Variants in SRCAP observed in about 807,000 individuals in gnomAD.
SRCAP encodes the protein chromatin remodeling protein SRCAP.
A neutral mutation model predicts 263.1 loss-of-function variants in SRCAP; 46 were observed. The observed-to-expected ratio is 0.17, with a 90% CI of 0.14 to 0.22. The LOEUF is 0.22. SRCAP is among the 10% of genes least tolerant of loss of function. The pLI, the probability that SRCAP is intolerant of heterozygous loss-of-function variation, is 1.00. For synonymous variants in SRCAP, 1,813 were observed against 1,662.1 expected, an observed-to-expected ratio of 1.09 and a Z score of -2.21; for missense variants, 3,695 against 4,181.9, an observed-to-expected ratio of 0.88 and a Z score of 3.21.
Position 30,730,223 on chromosome 16 carries a change from T to G in SRCAP, c.6127+651T>G, listed in dbSNP as rs77470611. Among the ~76,000 whole-genome samples the G allele has an allele frequency of 5.3e-4, 81 of 152,326 alleles. No homozygotes were observed. The East Asian group carries it at 0.013, about 24-fold the overall frequency. ...TTATTTAGCTGTATGGGAAAAGATG[T>G]CTGGTGGTACAAGACTGCACAGTAA... On this transcript the variant is annotated intron_variant, in intron 27 of 33. Transcript: ENST00000262518.
At chr16:30,731,729 G>A (rs2053116535) in intron 27 of SRCAP, among the ~76,000 whole-genome samples, 1 of 151,508 alleles carries the variant, frequency 6.6e-6, no homozygotes, top group Non-Finnish European at 1.5e-5. Flanking sequence ...ATATAGTGGT[G>A]CACACCTATA....
chr16:30,732,382 T>C (rs529043221), intron 27 of SRCAP, among the ~76,000 whole-genome samples: 5 of 147,034 alleles, frequency 3.4e-5, no homozygotes, highest in African/African-American at 1.3e-4. Context: ...ATCCAGGAGG[T>C]GGAGGTTGCC....
In SRCAP at chr16:30,711,492, G is replaced by A. The variant is rs557588130; in HGVS notation, c.1319-79G>A. 7.1e-4 allele frequency: 1,015 copies of A among 1,434,280 alleles called. 2 individuals carry two copies. The highest frequency in any genetic ancestry group is 8.2e-4 in the Non-Finnish European group (879 of 1,065,988). The allele number at this position is 1,434,280 out of a possible 1,614,324, so 88.8% of individuals were successfully genotyped here. The stretch of plus-strand genomic sequence containing the variant: ...CCTAGCAGTATCTACAGAGACCTAG[G>A]TAAAATTAACTGGTACTACTCAGAC... On this transcript the variant is annotated intron_variant, in intron 10 of 33. Transcript: ENST00000262518.
intron 4 of SRCAP, among the ~76,000 whole-genome samples, chr16:30,704,724 C>T (rs1310305128): frequency 6.6e-6 from 1 of 151,970 alleles, no homozygotes; most frequent in African/African-American, 2.4e-5. Flanking sequence ...CTGTAGCAGT[C>T]GCAGCCACCC....
intron 25 of SRCAP, among the ~76,000 whole-genome samples, chr16:30,728,619 C>G (rs113809606): frequency 0.012 from 1,786 of 152,256 alleles, 18 homozygotes; most frequent in Non-Finnish European, 0.016. Context: ...TAGGAAAATA[C>G]CCACAAATCG....
intron 9 of SRCAP, 63 bp downstream of exon 9, chr16:30,710,910 C>A: frequency 1.3e-6 from 2 of 1,599,352 alleles, no homozygotes; most frequent in South Asian, 1.1e-5. Flanking sequence ...TGGACCTAAC[C>A]TTTCAGGCTT....
In SRCAP at chr16:30,738,781, CTGGGCCCCAGCCTCT is replaced by C. The variant is rs1334652207; in HGVS notation, c.8745_8759del (p.Leu2919_Pro2923del). The C allele has an allele frequency of 1.2e-6, 2 of 1,613,802 alleles. No homozygotes were observed. Among genetic ancestry groups the C allele is most frequent in the South Asian group, 2.2e-5 (2 of 91,000 alleles). ...CCTGTCCTGGAACCACAGCTTATTCCTGGGCCCCAGCCTCTTGGACCCCAGCCAGTTCACAGACCC... is the reference window on the plus strand; with the variant it reads ...CCTGTCCTGGAACCACAGCTTATTCCTGGACCCCAGCCAGTTCACAGACCC... On this transcript the variant is annotated inframe_deletion, in exon 34 of 34. Transcript: ENST00000262518.
intron 4 of SRCAP, among the ~76,000 whole-genome samples, chr16:30,706,385 A>G (rs2052827704): frequency 6.6e-6 from 1 of 152,158 alleles, no homozygotes; most frequent in South Asian, 2.1e-4. Context: ...TGAGTTGGGA[A>G]GATAACCTGA....
chr16:30,707,077 C>A (rs956118586), intron 4 of SRCAP, 106 bp from the exon 5 acceptor site: 2 of 1,137,924 alleles, frequency 1.8e-6, no homozygotes, highest in Non-Finnish European at 2.5e-6. Context: ...GTGGACTAAA[C>A]ATAAGCATAA....
At position 30,739,348 on chromosome 16, in the gene SRCAP, G is replaced by A; in HGVS notation, c.9308G>A (p.Gly3103Glu). ...DLDLADSGPG[G>E]LELTPPVVSL... ...GACTTAGCAGATAGCGGGCCAGGCG[G>A]GTTGGAATTGACACCACCTGTGGTC... Residue 3103 changes from glycine (G) to glutamate (E), a missense_variant, in exon 34 of 34, where the codon GGG becomes GAG. Coordinates refer to ENST00000262518, the MANE Select transcript of SRCAP (RefSeq NM_006662.3). The A allele has an allele frequency of 6.2e-7, 1 of 1,614,174 alleles. No individual in the cohort carries two copies. The highest frequency in any genetic ancestry group is 1.1e-5 in the South Asian group (1 of 91,086).
At position 30,733,334 on chromosome 16, in the gene SRCAP, G is replaced by A. The variant is rs913910392; in HGVS notation, c.6182G>A (p.Arg2061Gln). Reference protein sequence around the residue: ...LLRQLKAEGHRVLIFTQMTRM... With the variant: ...LLRQLKAEGHQVLIFTQMTRM... Reference sequence around the variant, plus strand: ...CGGCAGCTCAAGGCAGAGGGCCACCGAGTGCTCATCTTCACCCAGATGACC... The same window carrying A: ...CGGCAGCTCAAGGCAGAGGGCCACCAAGTGCTCATCTTCACCCAGATGACC... The change falls in exon 28 of 34, where the codon CGA becomes CAA. Residue 2061 changes from arginine to glutamine, a missense_variant. Physicochemically the swap from Arg to Gln is conservative, Grantham distance 43. This residue lies in a region of SRCAP where 138 missense variants were observed against 254.9 expected (regional missense o/e 0.54). Transcript: ENST00000262518. This position sits in a 1 kb window ranked among gnomAD's most constrained non-coding sequence, Gnocchi z 5.3. 6 of 1,614,016 alleles carry A rather than the reference G, an allele frequency of 3.7e-6. No homozygotes were observed. Among genetic ancestry groups the A allele is most frequent in the Non-Finnish European group, 5.1e-6 (6 of 1,180,038 alleles).
rs1188213479 is a variant in SRCAP, at chr16:30,734,531, G to A, written c.6645G>A (p.Glu2215=). The A allele has an allele frequency of 6.2e-7, 1 of 1,613,988 alleles. No individual in the cohort carries two copies. Among genetic ancestry groups the A allele is most frequent in the South Asian group, 1.1e-5 (1 of 91,064 alleles). Residue 2215 remains glutamate (E), a synonymous_variant, in exon 31 of 34, where the codon GAG becomes GAA. Coordinates refer to ENST00000262518, the MANE Select transcript of SRCAP (RefSeq NM_006662.3). ...GAGAGCTGTTTGATATGCCCCTGGA[G>A]GAACCTTCTAGCTCATCCGTGCCCT... ...TIRELFDMPL[E]EPSSSSVPSA...
In SRCAP at chr16:30,739,364, A is replaced by C. The variant is rs1397783086; in HGVS notation, c.9324A>C (p.Pro3108=). The change falls in exon 34 of 34, where the codon CCA becomes CCC. Residue 3108 remains proline, a synonymous_variant. Transcript: ENST00000262518. ...GGCCAGGCGGGTTGGAATTGACACC[A>C]CCTGTGGTCTCACTAACCCCAAAAC... ...DSGPGGLELT[P]PVVSLTPKLR... 1 of 1,613,798 alleles carries C rather than the reference A, an allele frequency of 6.2e-7. No homozygotes were observed. Among genetic ancestry groups the C allele is most frequent in the East Asian group, 2.2e-5 (1 of 44,862 alleles).
rs1215921344 is a variant in SRCAP at position 30,737,721 on chromosome 16, C to T, written c.7681C>T (p.Pro2561Ser). The T allele has an allele frequency of 3.1e-6, 5 of 1,614,106 alleles. No individual in the cohort carries two copies. In the Admixed American group the frequency reaches 5.0e-5, roughly 16 times the overall value. ...GCTGTGTGCCCAGGCATTGGCATCT[C>T]CAGAGTCCCTGGAGCTGGCTTCTGT... ...AELCAQALAS[P>S]ESLELASVAS... is the part of the protein sequence containing the mutation. Residue 2561 changes from proline to serine, a missense_variant, in exon 34 of 34, where the codon CCA becomes TCA. This residue lies in a region of SRCAP where 1,207 missense variants were observed against 1,142.9 expected (regional missense o/e 1.06). Transcript: ENST00000262518.
chr16:30,730,928 A>G (rs191036712), intron 27 of SRCAP, among the ~76,000 whole-genome samples: 349 of 152,192 alleles, frequency 2.3e-3, no homozygotes, highest in African/African-American at 7.5e-3. Context: ...TCGGCCTTCC[A>G]AAGTGCTGGG....
chr16:30,710,672 C>A, intron 8 of SRCAP, 82 bp from the exon 9 acceptor site: 1 of 1,379,588 alleles, frequency 7.2e-7, no homozygotes, highest in Non-Finnish European at 1.0e-6. Context: ...AGTGATTCTC[C>A]TGTGACACCT....
Position 30,738,663 on chromosome 16 carries a change from A to G in SRCAP, c.8623A>G (p.Arg2875Gly), listed in dbSNP as rs755773841. The part of the protein sequence containing the change: ...KKNRSPADAG[R>G]GVDEAPSSTL... ...GAACAGGTCTCCAGCAGATGCTGGG[A>G]GAGGTGTGGATGAGGCACCCTCATC... The change falls in exon 34 of 34, where the codon AGA becomes GGA. Residue 2875 changes from arginine (R) to glycine (G), a missense_variant. Coordinates refer to ENST00000262518, the MANE Select transcript of SRCAP (RefSeq NM_006662.3). The G allele has an allele frequency of 1.9e-6, 3 of 1,612,990 alleles. No individual in the cohort carries two copies. Among genetic ancestry groups the G allele is most frequent in the Middle Eastern group, 1.7e-4 (1 of 6,050 alleles).
Position 30,736,233 on chromosome 16 carries a change from C to G in SRCAP, c.6763C>G (p.Arg2255Gly). The G allele has an allele frequency of 6.2e-7, 1 of 1,614,076 alleles. No homozygotes were observed. The highest frequency in any genetic ancestry group is 8.5e-7 in the Non-Finnish European group (1 of 1,180,018). The change falls in exon 32 of 34, where the codon CGT becomes GGT. Residue 2255 changes from arginine (R) to glycine (G), a missense_variant. Physicochemically the swap from Arg to Gly is moderately radical, Grantham distance 125 (BLOSUM62 -2). Coordinates refer to ENST00000262518, the MANE Select transcript of SRCAP (RefSeq NM_006662.3). ...TCGGGCAGAAGATGAAGAGGATATC[C>G]GTGCAGCCACCCAGGCCAAGGCTGA... The part of the protein sequence containing the change: ...LCRAEDEEDI[R>G]AATQAKAEQV...
At position 30,711,036 on chromosome 16, in the gene SRCAP, G is replaced by A. The variant is rs747189551; in HGVS notation, c.1266G>A (p.Gln422=). ...AGGATACTATAGCAGCTGAGGAACA[G>A]TTGGAAGGGGAGGTGGATCATGCCA... ...DEEDTIAAEE[Q]LEGEVDHAME... Residue 422 remains glutamine, a synonymous_variant, in exon 10 of 34, where the codon CAG becomes CAA. Coordinates refer to ENST00000262518, the MANE Select transcript of SRCAP (RefSeq NM_006662.3). 6.2e-6 allele frequency: 10 copies of A among 1,614,136 alleles called. 1 individual carries two copies. The highest frequency in any genetic ancestry group is 2.2e-5 in the South Asian group (2 of 91,084).
Sources: allele counts gnomAD v4.1 joint callset (sites outside exome capture counted in the v4.1 genomes callset), GRCh38; gene constraint gnomAD v4.1.1; regional missense constraint gnomAD v4.1.1; non-coding constraint Gnocchi (gnomAD v3.1); transcripts MANE v1.5; gene names NCBI Gene and HGNC (gene_info 2026-07-23, HGNC 2026-07-21).